TANC2: variants seen among roughly 807,000 people sequenced by gnomAD.
TANC2 encodes the protein protein TANC2.
TANC2 carries 26 observed loss-of-function variants against 210.5 expected under a neutral mutation model. The observed-to-expected ratio is 0.12, with a 90% confidence interval of 0.09 to 0.17. The LOEUF (loss-of-function observed/expected upper bound fraction) is 0.17. Among genes scored for constraint, TANC2 ranks in the 10% least tolerant of loss-of-function variants. The pLI is 1.00. For missense variants in TANC2, 2,129 were observed against 2,608.9 expected, an observed-to-expected ratio of 0.82 and a Z score of 4.01; for synonymous variants, 931 against 967.1, an observed-to-expected ratio of 0.96 and a Z score of 0.69.
At chr17:63,151,405 C>A in intron 5 of TANC2, 25 bp downstream of exon 5, 1 of 971,046 alleles carries the variant, frequency 1.0e-6, no homozygotes, top group Non-Finnish European at 1.2e-6. Flanking sequence ...AAAGTGTCTG[C>A]TTTGAAAGAG....
At chr17:63,229,523 T>C (rs994920698) in intron 7 of TANC2, among the ~76,000 whole-genome samples, 2 of 151,010 alleles carry the variant, frequency 1.3e-5, no homozygotes, top group Admixed American at 1.3e-4. Flanking sequence ...ATACCTCTGA[T>C]AGAATTCAGC....
At chr17:63,203,087 G>A (rs1400057834) in intron 7 of TANC2, among the ~76,000 whole-genome samples, 1 of 152,054 alleles carries the variant, frequency 6.6e-6, no homozygotes, top group African/African-American at 2.4e-5. Flanking sequence ...TGGGGCATAT[G>A]ATTATTTAAC....
At chr17:63,139,296 A>G (rs1158217790) in intron 4 of TANC2, among the ~76,000 whole-genome samples, 1 of 152,196 alleles carries the variant, frequency 6.6e-6, no homozygotes. Context: ...AACACAAACT[A>G]GACAGAAAAT....
At chr17:62,995,405 G>T (rs868549196) in intron 1 of TANC2, among the ~76,000 whole-genome samples, 2 of 152,188 alleles carry the variant, frequency 1.3e-5, no homozygotes, top group African/African-American at 2.4e-5. Flanking sequence ...TAAAATACTT[G>T]ACTTAGTTGA....
intron 1 of TANC2, chr17:63,004,661 A>T (rs1435407581): frequency 3.7e-6 from 1 of 272,082 alleles, no homozygotes; most frequent in Non-Finnish European, 7.3e-6. Flanking sequence ...ATAGTATTTC[A>T]AACCGTACAG....
At chr17:63,277,787 TATTA>T (rs1359452968) in intron 9 of TANC2, among the ~76,000 whole-genome samples, 2 of 150,082 alleles carry the variant, frequency 1.3e-5, no homozygotes, top group African/African-American at 4.8e-5. Flanking sequence ...TAATGAATTT[TATTA>T]ATTCAGCAAA....
intron 1 of TANC2, among the ~76,000 whole-genome samples, chr17:63,003,177 A>G (rs897789089): frequency 3.3e-5 from 5 of 152,212 alleles, no homozygotes; most frequent in Admixed American, 1.3e-4. Flanking sequence ...TATAGTGGAT[A>G]GCTAATTATA....
intron 5 of TANC2, among the ~76,000 whole-genome samples, chr17:63,193,320 A>G (rs1271703768): frequency 6.6e-6 from 1 of 152,152 alleles, no homozygotes; most frequent in East Asian, 1.9e-4. Flanking sequence ...TTTTTCACAG[A>G]TGGAACTTGA....
chr17:63,031,416 C>G (rs983469104), intron 2 of TANC2, among the ~76,000 whole-genome samples: 7 of 152,088 alleles, frequency 4.6e-5, no homozygotes, highest in Non-Finnish European at 5.9e-5. Flanking sequence ...CAAAGTAAAG[C>G]CTGGCTATAC....
intron 2 of TANC2, among the ~76,000 whole-genome samples, chr17:63,053,824 T>C (rs953547358): frequency 6.6e-6 from 1 of 152,232 alleles, no homozygotes; most frequent in African/African-American, 2.4e-5. Context: ...GTCCTCAATT[T>C]CTTTATCTTA....
chr17:63,053,018 TG>T (rs1168782362), intron 2 of TANC2, among the ~76,000 whole-genome samples: 2 of 152,236 alleles, frequency 1.3e-5, no homozygotes, highest in African/African-American at 4.8e-5. Flanking sequence ...TGCTGACCTC[TG>T]GTTTTTATGA....
chr17:63,148,302 T>G (rs181879020), intron 4 of TANC2: 2 of 152,288 alleles, frequency 1.3e-5, no homozygotes, highest in Non-Finnish European at 2.9e-5. Context: ...ATTAATAAAC[T>G]TAATAAGTGA....
chr17:63,208,396 A>T (rs947711297), intron 7 of TANC2, among the ~76,000 whole-genome samples: 1 of 152,144 alleles, frequency 6.6e-6, no homozygotes, highest in African/African-American at 2.4e-5. Context: ...CTCTCCTTAT[A>T]ACAATATTGT....
intron 3 of TANC2, among the ~76,000 whole-genome samples, chr17:63,075,575 G>A (rs933245604): frequency 1.3e-5 from 2 of 152,044 alleles, no homozygotes; most frequent in Non-Finnish European, 2.9e-5. Context: ...GCCTAGGCTG[G>A]AGTGCAGAGT....
At chr17:63,328,368 ATGTG>A in intron 11 of TANC2, among the ~76,000 whole-genome samples, 1 of 126,782 alleles carries the variant, frequency 7.9e-6, no homozygotes, top group Non-Finnish European at 1.6e-5. Context: ...TGGTATGTGT[ATGTG>A]TATATGTGTG....
chr17:63,144,604 G>A (rs1435913560), intron 4 of TANC2, among the ~76,000 whole-genome samples: 3 of 152,114 alleles, frequency 2.0e-5, no homozygotes, highest in Non-Finnish European at 4.4e-5. Flanking sequence ...GGAGTATGTC[G>A]AGTAGGGAAC....
intron 8 of TANC2, among the ~76,000 whole-genome samples, chr17:63,267,383 C>A (rs895340945): frequency 6.6e-6 from 1 of 152,064 alleles, no homozygotes; most frequent in Admixed American, 6.6e-5. Flanking sequence ...CATTTTAAAT[C>A]TCAAATCTAC....
chr17:63,183,410 A>G (rs917992443), intron 5 of TANC2, among the ~76,000 whole-genome samples: 3 of 152,256 alleles, frequency 2.0e-5, no homozygotes, highest in Non-Finnish European at 4.4e-5. Context: ...TCGTCGTAAT[A>G]CATTTCTAGT....
At chr17:63,206,785 C>T (rs1221751491) in intron 7 of TANC2, among the ~76,000 whole-genome samples, 1 of 152,002 alleles carries the variant, frequency 6.6e-6, no homozygotes, top group Non-Finnish European at 1.5e-5. Flanking sequence ...ATGAAAAGTT[C>T]TAGAGATGGA....
Sources: gnomAD v4.1 joint callset for allele counts (sites outside exome capture counted in the v4.1 genomes callset) on GRCh38, gnomAD v4.1.1 for gene constraint, MANE v1.5 for transcripts, NCBI Gene and HGNC (gene_info 2026-07-23, HGNC 2026-07-21) for gene names.